Variants in ZDHHC14 observed in about 807,000 individuals in gnomAD.
ZDHHC14 encodes the protein zDHHC palmitoyltransferase 14, also known as palmitoyltransferase ZDHHC14.
A neutral mutation model predicts 47.7 loss-of-function variants in ZDHHC14; 16 were observed. The ratio of observed to expected loss-of-function variants is 0.34; its 90% CI spans 0.23 to 0.51. The LOEUF is 0.51. Ranked by LOEUF, ZDHHC14 falls within the 20% of genes least tolerant of loss-of-function variation. The pLI is 0.97. For synonymous variants in ZDHHC14, 293 were observed against 278.9 expected, an observed-to-expected ratio of 1.05 and a Z score of -0.50; for missense variants, 515 against 662.5, an observed-to-expected ratio of 0.78 and a Z score of 2.44.
At chr6:157,434,992 T>C (rs1258846734) in intron 1 of ZDHHC14, among the ~76,000 whole-genome samples, 16 of 152,224 alleles carry the variant, frequency 1.1e-4, no homozygotes, top group Admixed American at 9.2e-4. Flanking sequence ...GACTTATTTG[T>C]TTTGACCTTT....
At chr6:157,547,552 A>G (rs980220732) in intron 2 of ZDHHC14, among the ~76,000 whole-genome samples, 3 of 150,748 alleles carry the variant, frequency 2.0e-5, no homozygotes, top group African/African-American at 7.4e-5. Context: ...TCTGTATTTA[A>G]GAGTAGAAAC....
Position 157,582,314 on chromosome 6 carries a change from G to C in ZDHHC14, c.407-10674G>C, listed in dbSNP as rs984810235. Among the ~76,000 whole-genome samples, 1 of 152,164 alleles carries C rather than the reference G, an allele frequency of 6.6e-6. No individual in the cohort carries two copies. Among genetic ancestry groups the C allele is most frequent in the Non-Finnish European group, 1.5e-5 (1 of 68,022 alleles). On this transcript the variant is annotated intron_variant, in intron 2 of 8. Transcript: ENST00000359775. The surrounding 1 kb of genome is among the most constrained non-coding windows in gnomAD (Gnocchi z 4.3). The stretch of plus-strand genomic sequence containing the variant: ...GGTTATTATGCAGGCTTGTTTGTGT[G>C]GTTGCTTTATAGAGTCACCAGTCTG...
At chr6:157,521,527 G>T (rs998064389) in intron 1 of ZDHHC14, among the ~76,000 whole-genome samples, 3 of 152,334 alleles carry the variant, frequency 2.0e-5, no homozygotes, top group African/African-American at 7.2e-5. Context: ...CCCACTTTCT[G>T]GTTCAAAGAT....
At chr6:157,486,673 C>T (rs906337451) in intron 1 of ZDHHC14, among the ~76,000 whole-genome samples, 5 of 152,168 alleles carry the variant, frequency 3.3e-5, no homozygotes, top group South Asian at 2.1e-4. Flanking sequence ...GACGATGCTG[C>T]AGGAGCTCAC....
Position 157,650,511 on chromosome 6 carries a change from AC to A in ZDHHC14, c.966-3013del, listed in dbSNP as rs1777780924. ...CCAGCTGCTACATTAAACAGGCTGG[AC>A]GCGATGGGATGCTGGCCGAGAACGC... On this transcript the variant is annotated intron_variant, in intron 7 of 8. Transcript: ENST00000359775. Among the ~76,000 whole-genome samples the A allele has an allele frequency of 2.0e-5, 3 of 151,980 alleles. No individual in the cohort carries two copies. The South Asian group carries it at 6.2e-4, about 32-fold the overall frequency.
intron 1 of ZDHHC14, among the ~76,000 whole-genome samples, chr6:157,456,801 T>C (rs1319283734): frequency 1.3e-5 from 2 of 152,160 alleles, no homozygotes; most frequent in Non-Finnish European, 2.9e-5. Flanking sequence ...CTTTTTGAAA[T>C]TACTGAGAAG....
At chr6:157,603,857 C>G (rs1234846818) in intron 3 of ZDHHC14, among the ~76,000 whole-genome samples, 1 of 152,112 alleles carries the variant, frequency 6.6e-6, no homozygotes, top group Non-Finnish European at 1.5e-5. Flanking sequence ...CTGCCTGTGG[C>G]GAAGACTCCA....
At chr6:157,609,904 GCCT>G (rs1784685811) in intron 3 of ZDHHC14, among the ~76,000 whole-genome samples, 1 of 152,208 alleles carries the variant, frequency 6.6e-6, no homozygotes, top group Non-Finnish European at 1.5e-5. Context: ...GCTCACCCAG[GCCT>G]GCCTTAAAGT....
chr6:157,639,368 G>A (rs1024667877), intron 5 of ZDHHC14, among the ~76,000 whole-genome samples: 2 of 152,180 alleles, frequency 1.3e-5, no homozygotes, highest in African/African-American at 4.8e-5. Flanking sequence ...GCAGTGGCGA[G>A]ACCTCGGCTC....
chr6:157,501,339 T>C (rs1361393166), intron 1 of ZDHHC14, among the ~76,000 whole-genome samples: 1 of 152,230 alleles, frequency 6.6e-6, no homozygotes, highest in Non-Finnish European at 1.5e-5. Context: ...AGGGTGCTTT[T>C]GTAAAAAAAA....
At chr6:157,570,794 CAT>C (rs1014418456) in intron 2 of ZDHHC14, among the ~76,000 whole-genome samples, 2 of 147,758 alleles carry the variant, frequency 1.4e-5, no homozygotes, top group African/African-American at 2.6e-5. Flanking sequence ...CACACACACA[CAT>C]ATATATACAC....
intron 2 of ZDHHC14, among the ~76,000 whole-genome samples, chr6:157,554,062 A>C (rs1002033267): frequency 6.6e-6 from 1 of 152,260 alleles, no homozygotes; most frequent in Non-Finnish European, 1.5e-5. Flanking sequence ...ATTTATTCAG[A>C]AACTGTAGAT....
rs1466307719 is a variant in ZDHHC14 at position 157,672,839 on chromosome 6, C to A, written c.1184C>A (p.Pro395His). The A allele has an allele frequency of 6.2e-7, 1 of 1,611,446 alleles. No individual in the cohort carries two copies. Among genetic ancestry groups the A allele is most frequent in the Admixed American group, 1.7e-5 (1 of 59,906 alleles). The change falls in exon 9 of 9, where the codon CCT becomes CAT. Residue 395 changes from proline (P) to histidine (H), a missense_variant. Pro to His is a moderately conservative substitution (Grantham distance 77, BLOSUM62 -2). Transcript: ENST00000359775. The part of the protein sequence containing the change: ...TSDELHLPGK[P>H]GLGTPCASLT... Reference sequence around the variant, plus strand: ...GACGAGCTGCACCTGCCCGGGAAGCCTGGCCTGGGCACGCCCTGCGCCAGC... The same window carrying A: ...GACGAGCTGCACCTGCCCGGGAAGCATGGCCTGGGCACGCCCTGCGCCAGC...
chr6:157,382,413 T>A, intron 1 of ZDHHC14, 147 bp downstream of exon 1: 2 of 1,034,554 alleles, frequency 1.9e-6, no homozygotes, highest in Non-Finnish European at 2.7e-6. Context: ...TTTTTTCTTT[T>A]AAAGGTCTGA....
In ZDHHC14 at chr6:157,494,698, G is replaced by A. The variant is rs9505862; in HGVS notation, c.246-47887G>A. ...GTGCAGGTCACTTTGTTTCATTAAGGAAGCTTACAAGGAAATAAGTTTTTA... is the reference window on the plus strand; with the variant it reads ...GTGCAGGTCACTTTGTTTCATTAAGAAAGCTTACAAGGAAATAAGTTTTTA... On this transcript the variant is annotated intron_variant, in intron 1 of 8. Coordinates refer to ENST00000359775, the MANE Select transcript of ZDHHC14 (RefSeq NM_024630.3). 3.4e-3 allele frequency among the ~76,000 whole-genome samples: 520 copies of A among 152,278 alleles called. 2 individuals carry two copies. The highest frequency in any genetic ancestry group is 6.1e-3 in the Non-Finnish European group (415 of 68,024).
chr6:157,386,192 C>T (rs980154415), intron 1 of ZDHHC14, among the ~76,000 whole-genome samples: 4 of 152,046 alleles, frequency 2.6e-5, no homozygotes, highest in South Asian at 2.1e-4. Context: ...AAAAAGCTCA[C>T]GACTGTGCAG....
intron 1 of ZDHHC14, among the ~76,000 whole-genome samples, chr6:157,490,334 C>T (rs1264549864): frequency 6.6e-6 from 1 of 152,164 alleles, no homozygotes; most frequent in East Asian, 1.9e-4. Context: ...ATTTTATCTG[C>T]TTAATATTTG....
intron 5 of ZDHHC14, among the ~76,000 whole-genome samples, chr6:157,635,615 ACT>A (rs1776933053): frequency 6.6e-6 from 1 of 152,074 alleles, no homozygotes; most frequent in African/African-American, 2.4e-5. Context: ...TTTCAAAGAG[ACT>A]CTGCCAGAAC....
intron 3 of ZDHHC14, among the ~76,000 whole-genome samples, chr6:157,600,379 A>T (rs1426555346): frequency 6.6e-6 from 1 of 152,172 alleles, no homozygotes; most frequent in Non-Finnish European, 1.5e-5. Context: ...GGTATATGTG[A>T]TCATGATAAT....
Sources: allele counts gnomAD v4.1 joint callset (sites outside exome capture counted in the v4.1 genomes callset), GRCh38; gene constraint gnomAD v4.1.1; non-coding constraint Gnocchi (gnomAD v3.1); transcripts MANE v1.5; gene names NCBI Gene and HGNC (gene_info 2026-07-23, HGNC 2026-07-21).